The following GALK2 variants were observed in gnomAD, a reference collection of about 807,000 sequenced individuals.
GALK2 encodes galactokinase 2, also known as N-acetylgalactosamine kinase.
GALK2 carries 36 observed loss-of-function variants against 52.4 expected under a neutral mutation model. That is an observed-to-expected ratio of 0.69 (90% CI 0.53 to 0.91). The LOEUF (loss-of-function observed/expected upper bound fraction) is 0.91, where lower values mean the gene tolerates loss of function less well. GALK2 is among the 40% of genes least tolerant of loss of function. GALK2 has a pLI of 0.00. For synonymous variants in GALK2, 176 were observed against 199.1 expected, an observed-to-expected ratio of 0.88 and a Z score of 0.98; for missense variants, 579 against 559.1, an observed-to-expected ratio of 1.04 and a Z score of -0.36.
intron 3 of GALK2, among the ~76,000 whole-genome samples, chr15:49,221,286 C>T (rs1015898300): frequency 2.0e-5 from 3 of 152,106 alleles, no homozygotes; most frequent in African/African-American, 7.2e-5. Context: ...ATTCATTCTT[C>T]TGCATATGGG....
In GALK2 at chr15:49,214,332, CT is replaced by C. The variant is rs35359586; in HGVS notation, c.143-2841del. 1.8e-3 allele frequency among the ~76,000 whole-genome samples: 226 copies of C among 126,660 alleles called. 2 individuals are homozygous for C. The South Asian group carries it at 0.029, about 16-fold the overall frequency. The allele number at this position is 126,660 out of a possible 152,430, so 83.1% of individuals were successfully genotyped here. A position where few individuals can be genotyped will look rare whatever the true frequency, so the allele number is the denominator to read the frequency against. Reference sequence around the variant, plus strand: ...TTAACCCCATTTCTTCACTTTGTCACTTTTTTTTTTTTTTTTTGAGATGGAG... The same window carrying C: ...TTAACCCCATTTCTTCACTTTGTCACTTTTTTTTTTTTTTTTGAGATGGAG... On this transcript the variant is annotated intron_variant, in intron 2 of 9. Transcript: ENST00000560031.
intron 5 of GALK2, among the ~76,000 whole-genome samples, chr15:49,255,986 T>TAG (rs2091800623): frequency 6.6e-6 from 1 of 152,122 alleles, no homozygotes; most frequent in Non-Finnish European, 1.5e-5. Context: ...CTGTTTGAGA[T>TAG]GTCTAACATA....
At chr15:49,169,856 G>T (rs2084949002), upstream of GALK2, among the ~76,000 whole-genome samples, 1 of 152,168 alleles carries the variant, frequency 6.6e-6, no homozygotes, top group Non-Finnish European at 1.5e-5. Context: ...GTGTTGTTTG[G>T]GGAGTAGCTG....
chr15:49,221,611 G>A (rs1295262840), intron 3 of GALK2, among the ~76,000 whole-genome samples: 3 of 151,818 alleles, frequency 2.0e-5, no homozygotes, highest in African/African-American at 7.3e-5. Context: ...AGGTTGCAGT[G>A]AGCCGAGATC....
chr15:49,328,495 A>C lies in GALK2; in HGVS notation c.*336A>C, dbSNP rs1369529631. The C allele has an allele frequency of 4.4e-6, 7 of 1,577,020 alleles. No homozygotes were observed. The African/African-American group carries it at 8.1e-5, about 18-fold the overall frequency. On this transcript the variant is annotated 3_prime_UTR_variant, in exon 10 of 10. Transcript: ENST00000560031. Reference sequence around the variant, plus strand: ...TACATGGATTGGACTTGAATTAAATATATTGTTACAATTAAACTGATACCA... The same window carrying C: ...TACATGGATTGGACTTGAATTAAATCTATTGTTACAATTAAACTGATACCA...
chr15:49,238,785 T>C (rs2090956244), intron 4 of GALK2, among the ~76,000 whole-genome samples: 1 of 152,192 alleles, frequency 6.6e-6, no homozygotes, highest in Non-Finnish European at 1.5e-5. Context: ...ACTTTTATAA[T>C]AACAGAATGC....
chr15:49,158,932 C>T (rs1175288202), intron 1 of GALK2: 1 of 152,186 alleles, frequency 6.6e-6, no homozygotes, highest in African/African-American at 2.4e-5. Flanking sequence ...TTTAAGTGAC[C>T]TTCCCATCTC....
chr15:49,300,056 T>C (rs1163027359), intron 8 of GALK2, among the ~76,000 whole-genome samples: 1 of 151,996 alleles, frequency 6.6e-6, no homozygotes, highest in Non-Finnish European at 1.5e-5. Flanking sequence ...CCCACTATTA[T>C]TGTTTGGTTA....
intron 1 of GALK2, among the ~76,000 whole-genome samples, chr15:49,163,081 G>C (rs1301228814): frequency 6.6e-6 from 1 of 152,248 alleles, no homozygotes; most frequent in Non-Finnish European, 1.5e-5. Context: ...TTCCTAAGTG[G>C]TTTTACCATT....
chr15:49,324,348 A>G (rs775428142), intron 9 of GALK2, among the ~76,000 whole-genome samples: 12 of 134,308 alleles, frequency 8.9e-5, no homozygotes, highest in Non-Finnish European at 1.7e-4. Flanking sequence ...GTGCAAATCC[A>G]TTGTTGCATG....
rs923430265 is a variant in GALK2 at position 49,331,879 on chromosome 15, C to T, written c.*3720C>T. On this transcript the variant is annotated 3_prime_UTR_variant, in exon 10 of 10. Transcript: ENST00000560031. ...TCATGGAATAAAGAAAATCAGTAAC[C>T]AAACTAATTGTCCTTATATTGACAC... The T allele has an allele frequency of 7.5e-7, 1 of 1,341,624 alleles. No individual in the cohort carries two copies. The highest frequency in any genetic ancestry group is 1.1e-6 in the Non-Finnish European group (1 of 932,098). 83.1% of individuals were successfully genotyped at this position (1,341,624 alleles called of 1,614,324 possible).
At chr15:49,207,484 CT>C (rs1192924568) in intron 2 of GALK2, among the ~76,000 whole-genome samples, 1 of 151,290 alleles carries the variant, frequency 6.6e-6, no homozygotes, top group African/African-American at 2.4e-5. Flanking sequence ...TGGTCCTGTA[CT>C]TTTTTTTTGT....
intron 5 of GALK2, among the ~76,000 whole-genome samples, chr15:49,277,946 T>C (rs1303874460): frequency 1.3e-5 from 2 of 152,120 alleles, no homozygotes; most frequent in Admixed American, 1.3e-4. Flanking sequence ...TCCCTGCCCC[T>C]GTAAGTAGAC....
exon 4 of GALK2, chr15:49,367,735 A>T: frequency 1.1e-6 from 1 of 893,090 alleles, no homozygotes; most frequent in Non-Finnish European, 1.6e-6. Flanking sequence ...GAAATTCTAC[A>T]AAGCATCTTC....
intron 8 of GALK2, among the ~76,000 whole-genome samples, chr15:49,310,966 A>G (rs1050583356): frequency 6.6e-6 from 1 of 152,172 alleles, no homozygotes; most frequent in Non-Finnish European, 1.5e-5. Context: ...TTCTTTGCCT[A>G]TACCAGTGTC....
intron 5 of GALK2, among the ~76,000 whole-genome samples, chr15:49,278,216 G>T (rs1315408721): frequency 1.3e-5 from 2 of 152,172 alleles, no homozygotes; most frequent in Non-Finnish European, 2.9e-5. Context: ...AGCCGAGATC[G>T]CACCACTGTA....
At chr15:49,264,108 C>A (rs1175722102) in intron 5 of GALK2, among the ~76,000 whole-genome samples, 1 of 151,652 alleles carries the variant, frequency 6.6e-6, no homozygotes, top group Admixed American at 6.6e-5. Context: ...TGAATCTGAA[C>A]GTTGGCCTGC....
intron 1 of GALK2, among the ~76,000 whole-genome samples, chr15:49,197,004 C>G (rs1398534120): frequency 6.6e-6 from 1 of 152,192 alleles, no homozygotes; most frequent in East Asian, 1.9e-4. Flanking sequence ...ACAGGATTGC[C>G]TGAGCCCAGG....
At chr15:49,155,943 G>A in exon 1 of GALK2, 1 of 1,605,986 alleles carries the variant, frequency 6.2e-7, no homozygotes, top group Non-Finnish European at 8.5e-7. Context: ...TCTCATTCCG[G>A]TGAAAGTAAG....
Sources: gnomAD v4.1 joint callset for allele counts (sites outside exome capture counted in the v4.1 genomes callset) on GRCh38, gnomAD v4.1.1 for gene constraint, MANE v1.5 for transcripts, NCBI Gene and HGNC (gene_info 2026-07-23, HGNC 2026-07-21) for gene names.